The following DYSF variants were observed in gnomAD, a reference collection of about 807,000 sequenced individuals.
The protein encoded by DYSF is dystrophy-associated fer-1-like 1.
DYSF carries 212 observed loss-of-function variants against 274.9 expected under a neutral mutation model. The observed-to-expected ratio is 0.77, with a 90% CI of 0.69 to 0.86. DYSF has a LOEUF of 0.86. DYSF is among the 40% of genes least tolerant of loss of function. The probability of loss-of-function intolerance (pLI) is 0.00; values close to 1 mark genes in which losing one functional copy is unlikely to be tolerated. For missense variants in DYSF, 2,666 were observed against 2,783.2 expected (o/e 0.96, Z 0.95); for synonymous variants, 1,091 against 1,078.7 (o/e 1.01, Z -0.22).
chr2:71,579,696 C>G (rs943564857), intron 30 of DYSF, among the ~76,000 whole-genome samples: 1 of 152,166 alleles, frequency 6.6e-6, no homozygotes, highest in South Asian at 2.1e-4. Flanking sequence ...CTGCACTCTC[C>G]CACACAGTAG....
intron 45 of DYSF, among the ~76,000 whole-genome samples, chr2:71,661,667 C>A (rs1163952339): frequency 6.6e-6 from 1 of 152,134 alleles, no homozygotes; most frequent in African/African-American, 2.4e-5. Context: ...CTTGTTTAGG[C>A]CAGAGAGGGG....
At chr2:71,478,941 G>A (rs1046290254) in intron 1 of DYSF, among the ~76,000 whole-genome samples, 2 of 151,922 alleles carry the variant, frequency 1.3e-5, no homozygotes, top group Admixed American at 6.6e-5. Context: ...AACCTGGCAG[G>A]GCGGGGCCGA....
At chr2:71,488,924 G>C (rs1284336459) in intron 3 of DYSF, among the ~76,000 whole-genome samples, 2 of 152,060 alleles carry the variant, frequency 1.3e-5, no homozygotes, top group African/African-American at 4.8e-5. Flanking sequence ...GAGACAACCT[G>C]AGAACTTTCC....
intron 48 of DYSF, 67 bp from the exon 49 acceptor site, chr2:71,668,687 G>C: frequency 4.0e-6 from 6 of 1,495,046 alleles, no homozygotes; most frequent in Non-Finnish European, 5.5e-6. Flanking sequence ...ATCTGGCCCA[G>C]AGCAGGTGCT....
At position 71,669,174 on chromosome 2, in the gene DYSF, C is replaced by T. The variant is rs199649417; in HGVS notation, c.5609C>T (p.Thr1870Met). ...RDVILDDLSL[T>M]GEKMSDIYVK... ...GTGATCCTGGATGACCTGAGCCTCA[C>T]GGGGGAGAAGATGAGCGACATTTAT... is the stretch of plus-strand genomic sequence containing the variant. The change falls in exon 50 of 56, where the codon ACG becomes ATG. Residue 1870 changes from threonine (T) to methionine (M), a missense_variant. Thr to Met is a moderately conservative substitution (Grantham distance 81). Transcript: ENST00000410020. 173 of 1,610,360 alleles carry T rather than the reference C, an allele frequency of 1.1e-4. No individual in the cohort carries two copies. Among genetic ancestry groups the T allele is most frequent in the Middle Eastern group, 1.6e-4 (1 of 6,074 alleles).
chr2:71,507,343 A>G (rs10190993), intron 4 of DYSF, among the ~76,000 whole-genome samples: 28 of 152,180 alleles, frequency 1.8e-4, no homozygotes, highest in Non-Finnish European at 3.4e-4. Flanking sequence ...CCTCAGCTCA[A>G]TGGGGTCCAC....
rs1409600150 is a variant in DYSF at position 71,681,200 on chromosome 2, A to C, written c.6173+90A>C. On this transcript the variant is annotated intron_variant, in intron 54 of 55. Transcript: ENST00000410020. ...GCATCCCATTGCATGGCCATGTAGAAGTCACAAAGCCCACGTGGCTCAGAG... is the reference window on the plus strand; with the variant it reads ...GCATCCCATTGCATGGCCATGTAGACGTCACAAAGCCCACGTGGCTCAGAG... 2.4e-6 allele frequency: 3 copies of C among 1,275,938 alleles called. No individual in the cohort carries two copies. The African/African-American group carries it at 4.4e-5, about 19-fold the overall frequency. 79.0% of individuals were successfully genotyped at this position (1,275,938 alleles called of 1,614,324 possible).
chr2:71,576,160 TG>T (rs1343572243), intron 30 of DYSF: 2 of 152,318 alleles, frequency 1.3e-5, no homozygotes, highest in African/African-American at 4.8e-5. Context: ...TTGGCCGGCA[TG>T]GGCCATGCCC....
chr2:71,513,563 G>A (rs1030166786), intron 6 of DYSF, among the ~76,000 whole-genome samples, 153 bp from the exon 7 acceptor site: 3 of 152,202 alleles, frequency 2.0e-5, no homozygotes, highest in Non-Finnish European at 4.4e-5. Context: ...ATCCATCCTG[G>A]CTCACTGATG....
chr2:71,511,435 C>T (rs2086084838), intron 4 of DYSF, among the ~76,000 whole-genome samples: 1 of 152,198 alleles, frequency 6.6e-6, no homozygotes, highest in Non-Finnish European at 1.5e-5. Context: ...GGTTGGATCC[C>T]TGATTCATTT....
intron 42 of DYSF, 92 bp from the exon 43 acceptor site, chr2:71,656,070 T>C: frequency 1.3e-6 from 2 of 1,487,170 alleles, no homozygotes; most frequent in South Asian, 1.1e-5. Context: ...CACACTGTCA[T>C]GTTTCCCCTC....
chr2:71,579,963 C>T (rs1419574102), intron 30 of DYSF, among the ~76,000 whole-genome samples: 3 of 152,198 alleles, frequency 2.0e-5, no homozygotes, highest in Admixed American at 6.5e-5. Context: ...AGCAGCACAG[C>T]ACGAGTCAGT....
At position 71,568,357 on chromosome 2, in the gene DYSF, G is replaced by A. The variant is rs2092234057; in HGVS notation, c.2864+19G>A. On this transcript the variant is annotated intron_variant, in intron 26 of 55. Coordinates refer to ENST00000410020, the MANE Select transcript of DYSF (RefSeq NM_001130987.2). ...AGAAGACGTGAGTCGTGGGCAGGGAGGGCTGGGGAGAGCCAGGCCAGGCTG... is the reference window on the plus strand; with the variant it reads ...AGAAGACGTGAGTCGTGGGCAGGGAAGGCTGGGGAGAGCCAGGCCAGGCTG... 1.2e-6 allele frequency: 2 copies of A among 1,613,100 alleles called. No homozygotes were observed. Among genetic ancestry groups the A allele is most frequent in the South Asian group, 1.1e-5 (1 of 91,030 alleles).
intron 17 of DYSF, among the ~76,000 whole-genome samples, chr2:71,540,915 C>G (rs1013002181): frequency 2.6e-5 from 4 of 152,054 alleles, no homozygotes; most frequent in Non-Finnish European, 5.9e-5. Flanking sequence ...ATCTGTTAGT[C>G]TTTTCCTTAG....
intron 4 of DYSF, 36 bp from the exon 5 acceptor site, chr2:71,511,771 C>T (rs538457299): frequency 1.2e-4 from 153 of 1,297,938 alleles, no homozygotes; most frequent in Non-Finnish European, 1.5e-4. Flanking sequence ...CCGAGGCCAG[C>T]GCACCAACCT....
At position 71,556,014 on chromosome 2, in the gene DYSF, C is replaced by T. The variant is rs775539496; in HGVS notation, c.2159C>T (p.Thr720Met). 9.4e-5 allele frequency: 149 copies of T among 1,578,568 alleles called. No homozygotes were observed. In the Middle Eastern group the frequency reaches 1.7e-3, roughly 18 times the overall value. ...VHLALKAQCS[T>M]EDVDSLVAQL... The stretch of plus-strand genomic sequence containing the variant: ...CTGGCCCTGAAGGCGCAGTGCTCCA[C>T]GGAGGACGTGGACTCGCTGGTGGCT... Residue 720 changes from threonine (T) to methionine (M), a missense_variant, in exon 22 of 56, where the codon ACG becomes ATG. By Grantham distance (81) the Thr-to-Met change is moderately conservative. Transcript: ENST00000410020.
chr2:71,494,502 A>G (rs987650655), intron 3 of DYSF, among the ~76,000 whole-genome samples: 3 of 152,222 alleles, frequency 2.0e-5, no homozygotes, highest in Non-Finnish European at 4.4e-5. Flanking sequence ...GCATCCATGG[A>G]TGATCCTTGC....
At chr2:71,499,664 T>G (rs57944653) in intron 3 of DYSF, among the ~76,000 whole-genome samples, 25,955 of 152,154 alleles carry the variant, frequency 0.17, 2,658 homozygotes, top group African/African-American at 0.26. Flanking sequence ...CTGTCAGACC[T>G]CAAGCTGCCT....
intron 8 of DYSF, 77 bp from the exon 9 acceptor site, chr2:71,516,103 G>T (rs1404109093): frequency 5.7e-6 from 8 of 1,408,698 alleles, no homozygotes; most frequent in Non-Finnish European, 7.0e-6. Flanking sequence ...TGGAGGCTTG[G>T]GGGTGGTGGT....
Sources: gnomAD v4.1 joint callset for allele counts (sites outside exome capture counted in the v4.1 genomes callset) on GRCh38, gnomAD v4.1.1 for gene constraint, MANE v1.5 for transcripts, NCBI Gene and HGNC (gene_info 2026-07-23, HGNC 2026-07-21) for gene names.